RPL9: variants seen among roughly 807,000 people sequenced by gnomAD.
The protein encoded by RPL9 is large ribosomal subunit protein uL6.
For missense variants in RPL9, 149 were observed against 236.7 expected, an observed-to-expected ratio of 0.63 and a Z score of 2.43; for synonymous variants, 82 against 77.1, an observed-to-expected ratio of 1.06 and a Z score of -0.33.
chr4:39,455,963 A>G, intron 5 of RPL9: 1 of 232,244 alleles, frequency 4.3e-6, no homozygotes, highest in Non-Finnish European at 8.6e-6. Context: ...CTACTCATGT[A>G]GTTTTCTCTT....
At chr4:39,458,801 G>A in intron 1 of RPL9, 90 bp downstream of exon 1, 2 of 685,674 alleles carry the variant, frequency 2.9e-6, no homozygotes, top group South Asian at 3.0e-5. Flanking sequence ...AACAGGACAA[G>A]GTTCCGAGAG....
chr4:39,457,179 C>T, intron 4 of RPL9: 1 of 163,488 alleles, frequency 6.1e-6, no homozygotes, highest in South Asian at 1.6e-4. Context: ...TGTAGATTTC[C>T]TATCTTAAAG....
At chr4:39,458,056 C>T in intron 3 of RPL9, 138 bp downstream of exon 3, 1 of 866,900 alleles carries the variant, frequency 1.2e-6, no homozygotes, top group Non-Finnish European at 1.9e-6. Flanking sequence ...TTTCACTGAA[C>T]AGGCTGGTAT....
At chr4:39,457,843 G>C (rs1744173214) in intron 3 of RPL9, 162 bp from the exon 4 acceptor site, 1 of 665,594 alleles carries the variant, frequency 1.5e-6, no homozygotes, top group Non-Finnish European at 2.6e-6. Context: ...CAACAGTTAA[G>C]CTTTGTAGAA....
Position 39,458,847 on chromosome 4 carries a change from G to A in RPL9, c.-2+44C>T, listed in dbSNP as rs371534347. 3.1e-4 allele frequency: 212 copies of A among 695,066 alleles called. 2 individuals carry two copies. The highest frequency in any genetic ancestry group is 3.0e-3 in the South Asian group (200 of 66,704). The allele number at this position is 695,066 out of a possible 1,614,324, so 43.1% of individuals were successfully genotyped here. Reference sequence around the variant, plus strand: ...GCCGCAGCCTTTCCCAGAGCAGATGGTTTCAGATTCCCAGTACCCCCACGA... The same window carrying A: ...GCCGCAGCCTTTCCCAGAGCAGATGATTTCAGATTCCCAGTACCCCCACGA... On this transcript the variant is annotated intron_variant, in intron 1 of 7. Transcript: ENST00000295955.
rs2687957 is a variant in RPL9, at chr4:39,457,411, T to C, written c.258+175A>G. 0.17 allele frequency: 98,442 copies of C among 562,526 alleles called. 9,546 individuals are homozygous for C. The highest frequency in any genetic ancestry group is 0.21 in the Admixed American group (6,659 of 31,744). 34.8% of individuals were successfully genotyped at this position (562,526 alleles called of 1,614,324 possible). ...CAAACATGTTGTACCCATCTGGTCT[T>C]TGCTCTCAGCTCTATCGCTTAAAGA... On this transcript the variant is annotated intron_variant, in intron 4 of 7. Coordinates refer to ENST00000295955, the MANE Select transcript of RPL9 (RefSeq NM_000661.5).
chr4:39,454,836 CAT>C (rs759467341), intron 6 of RPL9, 26 bp downstream of exon 6: 20 of 1,600,408 alleles, frequency 1.2e-5, no homozygotes, highest in Non-Finnish European at 1.6e-5. Flanking sequence ...ATCTTGTAGG[CAT>C]AGTTAGACAT....
chr4:39,456,331 G>A, intron 5 of RPL9, 75 bp downstream of exon 5: 1 of 1,511,284 alleles, frequency 6.6e-7, no homozygotes, highest in Non-Finnish European at 9.2e-7. Context: ...CTAAAGTATG[G>A]AAGTTGGGAG....
intron 1 of RPL9, 27 bp downstream of exon 1, chr4:39,458,864 C>T: frequency 1.4e-6 from 1 of 697,532 alleles, no homozygotes; most frequent in Non-Finnish European, 2.6e-6. Flanking sequence ...ATTCCCAGTA[C>T]CCCCACGAGC....
intron 1 of RPL9, 23 bp from the exon 2 acceptor site, chr4:39,458,463 G>A (rs1218737701): frequency 6.2e-7 from 1 of 1,613,356 alleles, no homozygotes. Flanking sequence ...CACTGGGGGT[G>A]AGGCCGACGC....
chr4:39,457,908 T>C, intron 3 of RPL9: 1 of 622,904 alleles, frequency 1.6e-6, no homozygotes, highest in Non-Finnish European at 2.8e-6. Context: ...AATGACCTAC[T>C]GCCGGTTCCT....
rs565646775 is a variant in RPL9, at chr4:39,458,538, G to C, written c.-1-98C>G. On this transcript the variant is annotated intron_variant, in intron 1 of 7. Transcript: ENST00000295955. ...CACTCCTACTGGAGACTGCCAGGCG[G>C]AAGTTCCAGACAAGATGTCGGAGGA... The C allele has an allele frequency of 3.3e-5, 43 of 1,319,412 alleles. No individual in the cohort carries two copies. The African/African-American group carries it at 5.4e-4, about 17-fold the overall frequency. 81.7% of individuals were successfully genotyped at this position (1,319,412 alleles called of 1,614,324 possible). A position where few individuals can be genotyped will look rare whatever the true frequency, so the allele number is the denominator to read the frequency against.
chr4:39,456,102 T>C (rs540293566), intron 5 of RPL9: 1 of 388,532 alleles, frequency 2.6e-6, no homozygotes, highest in East Asian at 6.4e-5. Flanking sequence ...TACACACCAT[T>C]ATATACACCT....
At chr4:39,455,552 C>CA (rs1375915035) in intron 5 of RPL9, among the ~76,000 whole-genome samples, 1 of 151,776 alleles carries the variant, frequency 6.6e-6, no homozygotes, top group Non-Finnish European at 1.5e-5. Flanking sequence ...TAGCTGGGGC[C>CA]AGGCACCATA....
intron 1 of RPL9, chr4:39,458,683 C>A (rs1425888678): frequency 1.1e-5 from 7 of 620,216 alleles, no homozygotes; most frequent in African/African-American, 5.5e-5. Flanking sequence ...CCTATGCGGG[C>A]GGTGCCATCC....
Position 39,455,737 on chromosome 4 carries a change from T to C in RPL9, c.391+669A>G, listed in dbSNP as rs115610118. 1,284 of 154,626 alleles carry C rather than the reference T, an allele frequency of 8.3e-3. 17 individuals are homozygous for C. Among genetic ancestry groups the C allele is most frequent in the African/African-American group, 0.03 (1,227 of 41,322 alleles). The allele number at this position is 154,626 out of a possible 1,614,324, so 9.6% of individuals were successfully genotyped here. A position where few individuals can be genotyped will look rare whatever the true frequency, so the allele number is the denominator to read the frequency against. On this transcript the variant is annotated intron_variant, in intron 5 of 7. Coordinates refer to ENST00000295955, the MANE Select transcript of RPL9 (RefSeq NM_000661.5). ...ATGAGCTGAGATCACGCCACCGTAC[T>C]CCAGCCTGGGCAACAGAGCAAGACC...
rs749399361 is a variant in RPL9 at position 39,458,268 on chromosome 4, G to A, written c.88C>T (p.Pro30Ser). The A allele has an allele frequency of 1.2e-6, 2 of 1,614,060 alleles. No homozygotes were observed. Among genetic ancestry groups the A allele is most frequent in the South Asian group, 1.1e-5 (1 of 91,080 alleles). Residue 30 changes from proline (P) to serine (S), a missense_variant, in exon 3 of 8, where the codon CCC becomes TCC. Pro to Ser is a moderately conservative substitution (Grantham distance 74). Coordinates refer to ENST00000295955, the MANE Select transcript of RPL9 (RefSeq NM_000661.5). Reference sequence around the variant, plus strand: ...AAGTCCCTCCGCAGGGTTCCTCTGGGGCCCTTCACGATAACTGTGCGTCCC... The same window carrying A: ...AAGTCCCTCCGCAGGGTTCCTCTGGAGCCCTTCACGATAACTGTGCGTCCC... ...LKGRTVIVKG[P>S]RGTLRRDFNH...
At position 39,454,913 on chromosome 4, in the gene RPL9, T is replaced by C. The variant is rs193055808; in HGVS notation, c.423A>G (p.Lys141=). ...CATTTCCTTCAAGGATTAATTCATC[T>C]TTCTGGGCTTGAGATACTGAACAAG... ...GVACSVSQAQ[K]DELILEGNDI... The change falls in exon 6 of 8, where the codon AAA becomes AAG. Residue 141 remains lysine, a synonymous_variant. Transcript: ENST00000295955. 4.8e-5 allele frequency: 78 copies of C among 1,614,084 alleles called. 1 individual carries two copies. In the Admixed American group the frequency reaches 9.8e-4, roughly 20 times the overall value.
In RPL9 at chr4:39,456,528, T is replaced by C. The variant is rs1461769018; in HGVS notation, c.269A>G (p.Tyr90Cys). The C allele has an allele frequency of 6.8e-6, 11 of 1,613,840 alleles. No individual in the cohort carries two copies. Among genetic ancestry groups the C allele is most frequent in the Admixed American group, 1.7e-5 (1 of 59,986 alleles). The change falls in exon 5 of 8, where the codon TAC (tyrosine) becomes TGC (cysteine). Residue 90 changes from tyrosine (Y) to cysteine (C), a missense_variant. Physicochemically the swap from Tyr to Cys is radical, Grantham distance 194 (BLOSUM62 -2). Transcript: ENST00000295955. ...GTGAGCATACACAGACCTCATCTTG[T>C]AACGGAAGCCCTATGTTAAATAAAT... ...MIKGVTLGFR[Y>C]KMRSVYAHFP... is the part of the protein sequence containing the mutation.
Sources: gnomAD v4.1 joint callset for allele counts (sites outside exome capture counted in the v4.1 genomes callset) on GRCh38, gnomAD v4.1.1 for gene constraint, MANE v1.5 for transcripts, NCBI Gene and HGNC (gene_info 2026-07-23, HGNC 2026-07-21) for gene names.